Variants in CNTNAP2 observed in about 807,000 individuals in gnomAD.
CNTNAP2 encodes the protein contactin-associated protein-like 2.
In CNTNAP2, 98 loss-of-function variants were observed where a neutral mutation model predicts 155.2. That is an observed-to-expected ratio of 0.63 (90% CI 0.54 to 0.75). The LOEUF (loss-of-function observed/expected upper bound fraction) is 0.75. Ranked by LOEUF, CNTNAP2 falls within the 30% of genes least tolerant of loss-of-function variation. CNTNAP2 has a pLI of 0.00. For synonymous variants in CNTNAP2, 651 were observed against 631.2 expected, an observed-to-expected ratio of 1.03 and a Z score of -0.47; for missense variants, 1,727 against 1,688.1, an observed-to-expected ratio of 1.02 and a Z score of -0.40.
intron 11 of CNTNAP2, among the ~76,000 whole-genome samples, chr7:147,543,977 C>T (rs1168401506): frequency 6.6e-6 from 1 of 152,132 alleles, no homozygotes; most frequent in Non-Finnish European, 1.5e-5. Context: ...CACAAAGCTA[C>T]CTGTTTTAAA....
intron 1 of CNTNAP2, among the ~76,000 whole-genome samples, chr7:146,249,060 G>A (rs1321565791): frequency 1.3e-5 from 2 of 152,092 alleles, no homozygotes; most frequent in Non-Finnish European, 2.9e-5. Context: ...GGATGAGCCA[G>A]GAGAAGGAAT....
chr7:147,763,088 C>T (rs1797330609), intron 13 of CNTNAP2, among the ~76,000 whole-genome samples: 3 of 151,908 alleles, frequency 2.0e-5, no homozygotes, highest in South Asian at 4.2e-4. Flanking sequence ...GAGAAGCCCC[C>T]GTCTCTACTA....
At chr7:147,849,436 A>G (rs1323219694) in intron 13 of CNTNAP2, among the ~76,000 whole-genome samples, 2 of 152,216 alleles carry the variant, frequency 1.3e-5, no homozygotes, top group Non-Finnish European at 2.9e-5. Flanking sequence ...GCTGAATAAG[A>G]GTCAGGATTT....
intron 4 of CNTNAP2, chr7:147,083,108 T>C (rs949801085): frequency 6.6e-6 from 1 of 152,088 alleles, no homozygotes; most frequent in Non-Finnish European, 1.5e-5. Flanking sequence ...ATTGCCTCGG[T>C]TGACTTGGAT....
At chr7:146,518,525 C>A (rs1255600432) in intron 1 of CNTNAP2, among the ~76,000 whole-genome samples, 1 of 151,750 alleles carries the variant, frequency 6.6e-6, no homozygotes, top group East Asian at 1.9e-4. Flanking sequence ...ATGAGCTCTG[C>A]ATGTAGAAAA....
chr7:147,322,583 G>A (rs1053832018), intron 9 of CNTNAP2, among the ~76,000 whole-genome samples: 6 of 149,744 alleles, frequency 4.0e-5, no homozygotes, highest in South Asian at 2.2e-4. Flanking sequence ...AATGATGCTG[G>A]CCTCATAAAA....
intron 20 of CNTNAP2, among the ~76,000 whole-genome samples, chr7:148,231,248 G>A (rs2116781788): frequency 6.6e-6 from 1 of 152,214 alleles, no homozygotes; most frequent in South Asian, 2.1e-4. Flanking sequence ...TTTAAGACTT[G>A]GGGCTTTGGA....
At chr7:147,115,378 G>C (rs1251351609) in intron 5 of CNTNAP2, among the ~76,000 whole-genome samples, 1 of 152,094 alleles carries the variant, frequency 6.6e-6, no homozygotes, top group Non-Finnish European at 1.5e-5. Context: ...TCCTAGGTTG[G>C]GGAAGTTCTC....
At chr7:146,389,297 A>C (rs980203566) in intron 1 of CNTNAP2, among the ~76,000 whole-genome samples, 2 of 152,016 alleles carry the variant, frequency 1.3e-5, no homozygotes, top group Non-Finnish European at 2.9e-5. Context: ...TGTCCTAAAG[A>C]GGACATCTGT....
chr7:147,027,586 G>A (rs35409037), intron 3 of CNTNAP2, among the ~76,000 whole-genome samples: 6,770 of 152,270 alleles, frequency 0.044, 186 homozygotes, highest in African/African-American at 0.068. Context: ...CTATGTTTTA[G>A]GATAAGTAAT....
intron 1 of CNTNAP2, among the ~76,000 whole-genome samples, chr7:146,674,134 A>G (rs1484667983): frequency 6.6e-6 from 1 of 152,324 alleles, no homozygotes; most frequent in East Asian, 1.9e-4. Context: ...ACTATCAGCT[A>G]CAACTACTAA....
At chr7:146,467,528 C>A (rs1254983783) in intron 1 of CNTNAP2, among the ~76,000 whole-genome samples, 3 of 152,080 alleles carry the variant, frequency 2.0e-5, no homozygotes, top group African/African-American at 7.2e-5. Context: ...ACAGCCTGTT[C>A]AATAAATTCT....
At chr7:146,857,442 A>C (rs907003911) in intron 3 of CNTNAP2, among the ~76,000 whole-genome samples, 4 of 152,210 alleles carry the variant, frequency 2.6e-5, no homozygotes, top group African/African-American at 9.6e-5. Context: ...TTAACAGGGT[A>C]TTCTTTCAAA....
intron 15 of CNTNAP2, among the ~76,000 whole-genome samples, chr7:147,995,360 C>A (rs116753095): frequency 6.6e-6 from 1 of 152,082 alleles, no homozygotes; most frequent in Non-Finnish European, 1.5e-5. Context: ...TCTCTCCTTC[C>A]CCTGCTCCCC....
chr7:146,847,300 G>A (rs537260837), intron 3 of CNTNAP2, among the ~76,000 whole-genome samples: 17 of 152,188 alleles, frequency 1.1e-4, no homozygotes, highest in Middle Eastern at 3.4e-3. Flanking sequence ...GCCTGGAGAC[G>A]CCTGAGAGGC....
chr7:146,741,102 C>G (rs1045770831), intron 1 of CNTNAP2, among the ~76,000 whole-genome samples: 9 of 152,078 alleles, frequency 5.9e-5, no homozygotes, highest in African/African-American at 2.2e-4. Context: ...TGGATGGCAT[C>G]TCTTTCCATA....
At chr7:146,213,692 C>G (rs1584805264) in intron 1 of CNTNAP2, among the ~76,000 whole-genome samples, 1 of 152,132 alleles carries the variant, frequency 6.6e-6, no homozygotes, top group Admixed American at 6.6e-5. Flanking sequence ...TCCCAGTTCC[C>G]AAGCCATGTT....
intron 18 of CNTNAP2, among the ~76,000 whole-genome samples, chr7:148,188,337 C>T (rs750540208): frequency 3.3e-5 from 5 of 152,122 alleles, no homozygotes; most frequent in Non-Finnish European, 7.3e-5. Context: ...ATGGCCAAGT[C>T]CTTACCCAGA....
rs111622506 is a variant in CNTNAP2, at chr7:147,696,585, A to G, written c.2098+57279A>G. ...AAAGTTTTTGTTGTGTCTTCCCTTA[A>G]TCATTCTTTAGCGCTCTCCCTTTAT... On this transcript the variant is annotated intron_variant, in intron 13 of 23. Coordinates refer to ENST00000361727, the MANE Select transcript of CNTNAP2 (RefSeq NM_014141.6). 3.7e-3 allele frequency among the ~76,000 whole-genome samples: 556 copies of G among 152,166 alleles called. 3 individuals carry two copies. The highest frequency in any genetic ancestry group is 0.013 in the African/African-American group (523 of 41,516).
Sources: allele counts gnomAD v4.1 joint callset (sites outside exome capture counted in the v4.1 genomes callset), GRCh38; gene constraint gnomAD v4.1.1; transcripts MANE v1.5; gene names NCBI Gene and HGNC (gene_info 2026-07-23, HGNC 2026-07-21).